The following LRRC69 variants were observed in gnomAD, a reference collection of about 807,000 sequenced individuals.
The protein encoded by LRRC69 is leucine-rich repeat-containing protein 69.
LRRC69 carries 42 observed loss-of-function variants against 37.8 expected under a neutral mutation model. That is an observed-to-expected ratio of 1.11 (90% CI 0.87 to 1.44). The LOEUF (loss-of-function observed/expected upper bound fraction) is 1.44, where lower values mean the gene tolerates loss of function less well. Ranked by LOEUF, LRRC69 falls within the 40% of genes most tolerant of loss-of-function variation. LRRC69 has a pLI of 0.00. For synonymous variants in LRRC69, 141 were observed against 143.1 expected (o/e 0.99, Z 0.11); for missense variants, 357 against 401.9 (o/e 0.89, Z 0.96).
At chr8:91,188,998 T>A (rs956494439) in intron 5 of LRRC69, among the ~76,000 whole-genome samples, 1 of 152,296 alleles carries the variant, frequency 6.6e-6, no homozygotes, top group East Asian at 1.9e-4. Context: ...CTAATTTTTG[T>A]ATTTTTAGTA....
chr8:91,160,658 C>T (rs1808923415), intron 5 of LRRC69, among the ~76,000 whole-genome samples: 1 of 151,176 alleles, frequency 6.6e-6, no homozygotes, highest in Admixed American at 6.6e-5. Flanking sequence ...TTATCTTCTT[C>T]CATGATTGTA....
intron 1 of LRRC69, among the ~76,000 whole-genome samples, chr8:91,108,687 C>G (rs940176145): frequency 3.3e-5 from 5 of 152,010 alleles, no homozygotes; most frequent in Admixed American, 3.3e-4. Context: ...TGGCCCAACT[C>G]AAATTCATAA....
chr8:91,133,420 C>A, intron 4 of LRRC69, 115 bp downstream of exon 4: 1 of 698,054 alleles, frequency 1.4e-6, no homozygotes, highest in Non-Finnish European at 2.2e-6. Flanking sequence ...TGCTTTCTCT[C>A]AGATTAAATG....
In LRRC69 at chr8:91,108,761, A is replaced by G. The variant is rs1294737976; in HGVS notation, c.183+5917A>G. On this transcript the variant is annotated intron_variant, in intron 1 of 7. Transcript: ENST00000448384. The stretch of plus-strand genomic sequence containing the variant: ...TTATTTATTTTTAAGCTCATCAGCT[A>G]TCATTAGTATTAGTGTATTTCATGT... Among the ~76,000 whole-genome samples the G allele has an allele frequency of 3.3e-5, 5 of 152,038 alleles. No homozygotes were observed. In the East Asian group the frequency reaches 5.8e-4, roughly 18 times the overall value.
intron 5 of LRRC69, among the ~76,000 whole-genome samples, chr8:91,184,134 C>T (rs1809368311): frequency 6.6e-6 from 1 of 151,976 alleles, no homozygotes; most frequent in African/African-American, 2.4e-5. Flanking sequence ...AAAAAATTAG[C>T]TGGGCATGGT....
At chr8:91,149,562 C>A (rs1398074348) in intron 5 of LRRC69, among the ~76,000 whole-genome samples, 1 of 151,686 alleles carries the variant, frequency 6.6e-6, no homozygotes, top group East Asian at 1.9e-4. Context: ...CGACTTGGCA[C>A]TGTGGGCTCT....
chr8:91,150,444 C>G (rs1209130163), intron 5 of LRRC69, among the ~76,000 whole-genome samples: 1 of 151,926 alleles, frequency 6.6e-6, no homozygotes, highest in Non-Finnish European at 1.5e-5. Context: ...CCCATTTGAT[C>G]ATGGTGGATA....
chr8:91,191,960 G>C (rs1210892612), intron 6 of LRRC69, among the ~76,000 whole-genome samples: 12 of 150,810 alleles, frequency 8.0e-5, no homozygotes, highest in African/African-American at 2.9e-4. Flanking sequence ...TCGTCATCTA[G>C]CATTAGGTAT....
chr8:91,204,903 G>T (rs1809774141), intron 7 of LRRC69, among the ~76,000 whole-genome samples: 1 of 152,138 alleles, frequency 6.6e-6, no homozygotes, highest in South Asian at 2.1e-4. Flanking sequence ...TTTAGTTTGA[G>T]AAATTGGAAA....
chr8:91,119,762 C>G (rs1162034651), intron 1 of LRRC69, among the ~76,000 whole-genome samples: 1 of 152,022 alleles, frequency 6.6e-6, no homozygotes, highest in Non-Finnish European at 1.5e-5. Flanking sequence ...AGAAAACAGA[C>G]ATCATCCTTC....
At chr8:91,197,950 T>C (rs528797581) in intron 6 of LRRC69, among the ~76,000 whole-genome samples, 118 of 152,302 alleles carry the variant, frequency 7.7e-4, no homozygotes, top group Non-Finnish European at 1.1e-3. Context: ...TGTGTAGTTT[T>C]AAGAGTATCC....
intron 5 of LRRC69, among the ~76,000 whole-genome samples, chr8:91,165,552 C>A (rs1369742335): frequency 6.6e-6 from 1 of 151,710 alleles, no homozygotes; most frequent in African/African-American, 2.4e-5. Context: ...TTAAAATAAT[C>A]TGGTGGCAAG....
chr8:91,158,261 C>G lies in LRRC69; in HGVS notation c.651+22522C>G, dbSNP rs951108261. The G allele has an allele frequency of 2.6e-6, 4 of 1,554,962 alleles. No individual in the cohort carries two copies. The African/African-American group carries it at 5.5e-5, about 21-fold the overall frequency. Reference sequence around the variant, plus strand: ...TCTCTACAGTGGATTAATTGGCCCCCTGATTGTTTGTCGAAGACATTACTT... The same window carrying G: ...TCTCTACAGTGGATTAATTGGCCCCGTGATTGTTTGTCGAAGACATTACTT... On this transcript the variant is annotated intron_variant, in intron 5 of 7. Coordinates refer to ENST00000448384, the Ensembl canonical transcript of LRRC69.
intron 7 of LRRC69, among the ~76,000 whole-genome samples, chr8:91,210,488 A>G (rs891234395): frequency 6.6e-6 from 1 of 152,020 alleles, no homozygotes; most frequent in Non-Finnish European, 1.5e-5. Flanking sequence ...GTAAGAAAAT[A>G]GAACCACTGA....
chr8:91,209,079 G>C (rs1250863542), intron 7 of LRRC69, among the ~76,000 whole-genome samples: 8 of 152,178 alleles, frequency 5.3e-5, no homozygotes, highest in Admixed American at 2.6e-4. Flanking sequence ...AAAGAGGAAG[G>C]TGGTGTCCTT....
intron 5 of LRRC69, among the ~76,000 whole-genome samples, chr8:91,183,324 G>A (rs372325688): frequency 2.6e-4 from 40 of 152,284 alleles, no homozygotes; most frequent in African/African-American, 7.7e-4. Context: ...TGCTGAAGTC[G>A]AATAAGAAAT....
chr8:91,104,681 A>T (rs1019098873), intron 1 of LRRC69, among the ~76,000 whole-genome samples: 2 of 151,980 alleles, frequency 1.3e-5, no homozygotes, highest in Non-Finnish European at 2.9e-5. Context: ...AGCCAAGGAC[A>T]TTCCCTTTGT....
chr8:91,125,030 A>G (rs1813694291), intron 2 of LRRC69, among the ~76,000 whole-genome samples: 1 of 151,892 alleles, frequency 6.6e-6, no homozygotes, highest in African/African-American at 2.4e-5. Context: ...CTAAACTTAA[A>G]TCAATTTGGG....
chr8:91,150,586 A>G (rs370800077), intron 5 of LRRC69, among the ~76,000 whole-genome samples: 6 of 151,862 alleles, frequency 4.0e-5, no homozygotes, highest in African/African-American at 7.3e-5. Flanking sequence ...GTATCAGGAT[A>G]ATGCTGGCCT....
Sources: gnomAD v4.1 joint callset for allele counts (sites outside exome capture counted in the v4.1 genomes callset) on GRCh38, gnomAD v4.1.1 for gene constraint, MANE v1.5 for transcripts, NCBI Gene and HGNC (gene_info 2026-07-23, HGNC 2026-07-21) for gene names.